The following ALPK1 variants were observed in gnomAD, a reference collection of about 807,000 sequenced individuals.
ALPK1 encodes the protein alpha-protein kinase 1.
In ALPK1, 110 loss-of-function variants were observed where a neutral mutation model predicts 120.6. The observed-to-expected ratio is 0.91, with a 90% CI of 0.78 to 1.07. The LOEUF is 1.07. ALPK1 is among the 50% of genes least tolerant of loss of function. ALPK1 has a pLI of 0.00. For synonymous variants in ALPK1, 582 were observed against 560.3 expected (o/e 1.04, Z -0.55); for missense variants, 1,498 against 1,483.9 (o/e 1.01, Z -0.16).
chr4:112,308,597 A>G (rs1728233911), intron 1 of ALPK1, among the ~76,000 whole-genome samples: 1 of 152,086 alleles, frequency 6.6e-6, no homozygotes, highest in African/African-American at 2.4e-5. Context: ...TTTCAGCTCC[A>G]TCAGGTCATT....
chr4:112,396,618 T>C (rs1316691848), intron 4 of ALPK1, among the ~76,000 whole-genome samples: 1 of 152,230 alleles, frequency 6.6e-6, no homozygotes, highest in Non-Finnish European at 1.5e-5. Flanking sequence ...TTTAGAATTT[T>C]CTTTATATTT....
At chr4:112,422,809 G>T (rs1734058718) in intron 5 of ALPK1, among the ~76,000 whole-genome samples, 1 of 152,192 alleles carries the variant, frequency 6.6e-6, no homozygotes, top group African/African-American at 2.4e-5. Flanking sequence ...CAGAGGCCTT[G>T]GGGGAGGGCC....
At chr4:112,307,299 A>G (rs1008283970) in intron 1 of ALPK1, among the ~76,000 whole-genome samples, 10 of 151,794 alleles carry the variant, frequency 6.6e-5, no homozygotes, top group Non-Finnish European at 1.2e-4. Flanking sequence ...CAATTCCTGG[A>G]TATCCTTTTT....
At chr4:112,307,335 A>G (rs1458893051) in intron 1 of ALPK1, among the ~76,000 whole-genome samples, 1 of 151,956 alleles carries the variant, frequency 6.6e-6, no homozygotes, top group East Asian at 1.9e-4. Context: ...TGATCTGTCT[A>G]ATGTTGACAG....
At chr4:112,403,507 G>C (rs1176730997) in intron 4 of ALPK1, among the ~76,000 whole-genome samples, 1 of 152,188 alleles carries the variant, frequency 6.6e-6, no homozygotes, top group African/African-American at 2.4e-5. Context: ...AGATGCGAGA[G>C]GTTTGGGCCC....
At chr4:112,436,085 T>C (rs1344805618) in intron 12 of ALPK1, among the ~76,000 whole-genome samples, 1 of 152,242 alleles carries the variant, frequency 6.6e-6, no homozygotes, top group South Asian at 2.1e-4. Flanking sequence ...GACTTTTCAT[T>C]TAAAGTTGGC....
At chr4:112,426,235 C>T (rs2148758950) in intron 7 of ALPK1, 1 of 295,170 alleles carries the variant, frequency 3.4e-6, no homozygotes. Flanking sequence ...ATATATTACA[C>T]ATATTATATA....
intron 4 of ALPK1, among the ~76,000 whole-genome samples, chr4:112,396,467 C>T (rs1343893766): frequency 3.1e-4 from 47 of 152,310 alleles, no homozygotes; most frequent in Non-Finnish European, 1.5e-5. Context: ...GTCATCAGCT[C>T]CTCCAGGATG....
At chr4:112,378,538 C>G (rs1037884794) in intron 3 of ALPK1, among the ~76,000 whole-genome samples, 12 of 151,388 alleles carry the variant, frequency 7.9e-5, no homozygotes, top group African/African-American at 2.7e-4. Context: ...AAAGTTAAAG[C>G]AATTCTTATG....
intron 1 of ALPK1, among the ~76,000 whole-genome samples, chr4:112,309,618 T>C (rs752666670): frequency 3.3e-5 from 5 of 152,098 alleles, no homozygotes; most frequent in Non-Finnish European, 7.4e-5. Context: ...GTCTTCTGCA[T>C]TGCTCACGCT....
chr4:112,379,395 C>T (rs1054926370), intron 3 of ALPK1, among the ~76,000 whole-genome samples: 1 of 152,232 alleles, frequency 6.6e-6, no homozygotes, highest in Non-Finnish European at 1.5e-5. Flanking sequence ...GGGCTGACTG[C>T]CCGGCGTTGG....
At chr4:112,338,528 AT>A (rs1328884214) in intron 2 of ALPK1, among the ~76,000 whole-genome samples, 2 of 152,222 alleles carry the variant, frequency 1.3e-5, no homozygotes, top group Non-Finnish European at 2.9e-5. Context: ...ATCGAAAAAA[AT>A]ATATGTAACG....
intron 2 of ALPK1, among the ~76,000 whole-genome samples, chr4:112,376,777 A>T (rs1003215191): frequency 6.6e-6 from 1 of 152,220 alleles, no homozygotes; most frequent in Non-Finnish European, 1.5e-5. Flanking sequence ...TGGTAATAAA[A>T]TTCTACATGC....
chr4:112,401,589 G>A (rs1470220932), intron 4 of ALPK1, among the ~76,000 whole-genome samples: 2 of 151,830 alleles, frequency 1.3e-5, no homozygotes, highest in South Asian at 4.1e-4. Flanking sequence ...CAATGTGGAT[G>A]CTGAAATCAC....
rs116384630 is a variant in ALPK1 at position 112,364,060 on chromosome 4, C to T, written c.-100-13618C>T. 1.1e-3 allele frequency among the ~76,000 whole-genome samples: 174 copies of T among 152,096 alleles called. 1 individual carries two copies. The highest frequency in any genetic ancestry group is 2.1e-3 in the Non-Finnish European group (145 of 67,986). On this transcript the variant is annotated intron_variant, in intron 2 of 15. Transcript: ENST00000650871. ...CAAAACCTCTGGGATACGGAAAAGG[C>T]GGTGCTAAGAGGAAAGTTCATAGCA...
chr4:112,298,666 A>G (rs1251320146), intron 1 of ALPK1, among the ~76,000 whole-genome samples: 1 of 152,192 alleles, frequency 6.6e-6, no homozygotes, highest in Non-Finnish European at 1.5e-5. Flanking sequence ...TAAACTGTAA[A>G]GAAAAGGCAT....
chr4:112,376,925 C>A (rs1490846408), intron 2 of ALPK1, among the ~76,000 whole-genome samples: 1 of 152,104 alleles, frequency 6.6e-6, no homozygotes, highest in Admixed American at 6.5e-5. Flanking sequence ...TAATGTTTTT[C>A]TATGAATTTG....
At chr4:112,416,981 G>C (rs1733774274) in intron 5 of ALPK1, among the ~76,000 whole-genome samples, 2 of 150,752 alleles carry the variant, frequency 1.3e-5, no homozygotes, top group Non-Finnish European at 3.0e-5. Flanking sequence ...AGACAGAAAA[G>C]ACAGATTAAT....
intron 2 of ALPK1, among the ~76,000 whole-genome samples, chr4:112,340,325 G>A (rs888026981): frequency 5.3e-5 from 8 of 152,212 alleles, no homozygotes; most frequent in East Asian, 1.9e-4. Flanking sequence ...ACTGAGCTTT[G>A]TCTCTTGCAC....
Sources: allele counts gnomAD v4.1 joint callset (sites outside exome capture counted in the v4.1 genomes callset), GRCh38; gene constraint gnomAD v4.1.1; transcripts MANE v1.5; gene names NCBI Gene and HGNC (gene_info 2026-07-23, HGNC 2026-07-21).